BRI3: variants seen among roughly 807,000 people sequenced by gnomAD.
BRI3 encodes membrane protein BRI3.
A neutral mutation model predicts 12.8 loss-of-function variants in BRI3; 6 were observed. The ratio of observed to expected loss-of-function variants is 0.47; its 90% CI spans 0.26 to 0.93. The LOEUF (loss-of-function observed/expected upper bound fraction) is 0.93. BRI3 is among the 40% of genes least tolerant of loss of function. The pLI, the probability that BRI3 is intolerant of heterozygous loss-of-function variation, is 0.15. For missense variants in BRI3, 134 were observed against 171.1 expected (o/e 0.78, Z 1.21); for synonymous variants, 91 against 76.1 (o/e 1.20, Z -1.02).
intron 2 of BRI3, among the ~76,000 whole-genome samples, chr7:98,286,017 G>A (rs1478046164): frequency 2.6e-5 from 4 of 152,186 alleles, no homozygotes; most frequent in Non-Finnish European, 4.4e-5. Context: ...GCAGAGGGCA[G>A]CTTGGTGCCC....
At chr7:98,319,051 G>C in the BRI3 span, among the ~76,000 whole-genome samples, 1 of 152,060 alleles carries the variant, frequency 6.6e-6, no homozygotes, top group East Asian at 1.9e-4. Context: ...CTTAGCAGCT[G>C]TCCGGGTCCT....
chr7:98,287,821 C>T (rs1220876936), intron 2 of BRI3, among the ~76,000 whole-genome samples: 1 of 152,222 alleles, frequency 6.6e-6, no homozygotes, highest in Non-Finnish European at 1.5e-5. Flanking sequence ...CCCATTGCAC[C>T]ATCACACCTG....
At chr7:98,304,748 C>G (rs1800571868), upstream of BRI3, among the ~76,000 whole-genome samples, 1 of 151,592 alleles carries the variant, frequency 6.6e-6, no homozygotes, top group Admixed American at 6.6e-5. Context: ...GGGGTTTCAC[C>G]ATATTGGCCA....
chr7:98,308,190 C>T (rs1182984554), exon 2 of BRI3: 1 of 567,368 alleles, frequency 1.8e-6, no homozygotes, highest in Non-Finnish European at 3.3e-6. Context: ...GGTTGATCTG[C>T]ACTGCTTTAG....
At chr7:98,306,800 T>C (rs537228412) in intron 1 of BRI3, 4 of 415,858 alleles carry the variant, frequency 9.6e-6, no homozygotes, top group African/African-American at 6.1e-5. Flanking sequence ...CTCGAACTCA[T>C]GGGCTCAAGC....
At chr7:98,298,901 G>A (rs1337472171) in intron 1 of BRI3, among the ~76,000 whole-genome samples, 2 of 152,094 alleles carry the variant, frequency 1.3e-5, no homozygotes, top group African/African-American at 4.8e-5. Context: ...CAGTGCAGTG[G>A]CACAATGACA....
chr7:98,299,567 G>C (rs1425132734), intron 1 of BRI3, among the ~76,000 whole-genome samples: 1 of 152,012 alleles, frequency 6.6e-6, no homozygotes, highest in Non-Finnish European at 1.5e-5. Flanking sequence ...CTGTCGCTCA[G>C]GCTGGACTTG....
chr7:98,306,776 T>C (rs1003925116), intron 1 of BRI3: 16 of 465,014 alleles, frequency 3.4e-5, no homozygotes, highest in Non-Finnish European at 5.4e-5. Context: ...GGTGCGATCA[T>C]AGCTCACAGC....
chr7:98,304,350 G>C (rs1428614897), upstream of BRI3: 1 of 1,613,654 alleles, frequency 6.2e-7, no homozygotes, highest in African/African-American at 1.3e-5. Flanking sequence ...CAAGTTCACG[G>C]TGCTGATGCT....
At chr7:98,283,356 A>C (rs1030374997) in intron 2 of BRI3, among the ~76,000 whole-genome samples, 3 of 152,148 alleles carry the variant, frequency 2.0e-5, no homozygotes, top group Non-Finnish European at 4.4e-5. Flanking sequence ...TCAGAGCCTT[A>C]GCAGGCAACT....
chr7:98,281,707 T>TCCGCCGCGTCCCCGCCGCCG lies in BRI3; in HGVS notation c.-75_-56dup, dbSNP rs562067767. 4.8e-5 allele frequency: 26 copies of TCCGCCGCGTCCCCGCCGCCG among 538,964 alleles called. No individual in the cohort carries two copies. The highest frequency in any genetic ancestry group is 5.1e-5 in the Non-Finnish European group (22 of 427,784). The allele number at this position is 538,964 out of a possible 1,614,324, so 33.4% of individuals were successfully genotyped here. ...CCTCAGAGGGGCCCGAGCCACCCGG[T>TCCGCCGCGTCCCCGCCGCCG]CCGCCGCGTCCCCGCCGCCGCCGCC... On this transcript the variant is annotated 5_prime_UTR_variant, in exon 1 of 3. Coordinates refer to ENST00000297290, the MANE Select transcript of BRI3 (RefSeq NM_015379.5).
At chr7:98,281,972 T>G (rs1025745210) in intron 1 of BRI3, 35 bp downstream of exon 1, 14 of 1,286,222 alleles carry the variant, frequency 1.1e-5, no homozygotes, top group Non-Finnish European at 1.1e-5. Context: ...GCCGGCGGCT[T>G]CCGAGGTGGC....
upstream of BRI3, chr7:98,306,432 G>GGCGTGGGCTACCTT (rs1562966800): frequency 6.2e-7 from 1 of 1,614,184 alleles, no homozygotes; most frequent in Non-Finnish European, 8.5e-7. Flanking sequence ...GCCACGTTCA[G>GGCGTGGGCTACCTT]GGCTACCTTG....
At chr7:98,300,510 A>G (rs941474995) in intron 1 of BRI3, among the ~76,000 whole-genome samples, 12 of 152,190 alleles carry the variant, frequency 7.9e-5, no homozygotes, top group African/African-American at 2.9e-4. Context: ...TTATCAGGAA[A>G]GCGTACTGAT....
downstream of BRI3, among the ~76,000 whole-genome samples, chr7:98,296,383 T>C (rs1199089728): frequency 6.6e-6 from 1 of 152,200 alleles, no homozygotes; most frequent in African/African-American, 2.4e-5. Flanking sequence ...CCCAGCACTT[T>C]GGGAGGCTGA....
chr7:98,304,376 G>A, upstream of BRI3: 1 of 1,613,062 alleles, frequency 6.2e-7, no homozygotes, highest in South Asian at 1.1e-5. Context: ...CTGGTGTGGG[G>A]CTCAAACCCA....
intron 1 of BRI3, chr7:98,306,714 T>G (rs1800671458): frequency 1.3e-6 from 1 of 778,268 alleles, no homozygotes; most frequent in African/African-American, 1.8e-5. Context: ...TGTTAACAAT[T>G]TTTTTTTAAT....
At chr7:98,320,083 A>T in the BRI3 span, 6 of 1,613,752 alleles carry the variant, frequency 3.7e-6, no homozygotes, top group Non-Finnish European at 5.1e-6. Context: ...GTCAAGTTCT[A>T]TCTTCTTCTC....
downstream of BRI3, chr7:98,291,580 A>G: frequency 9.3e-7 from 1 of 1,074,264 alleles, no homozygotes; most frequent in Non-Finnish European, 1.1e-6. Context: ...GACTGGAACG[A>G]CACCCCCATC....
Sources: gnomAD v4.1 joint callset for allele counts (sites outside exome capture counted in the v4.1 genomes callset) on GRCh38, gnomAD v4.1.1 for gene constraint, MANE v1.5 for transcripts, NCBI Gene and HGNC (gene_info 2026-07-23, HGNC 2026-07-21) for gene names.